The following SENP2 variants were observed in gnomAD, a reference collection of about 807,000 sequenced individuals.
SENP2 encodes the protein SUMO specific peptidase 2.
Under a neutral mutation model 86.3 loss-of-function variants are expected in SENP2, and 16 were observed. The ratio of observed to expected loss-of-function variants is 0.19; its 90% confidence interval spans 0.13 to 0.28. The LOEUF is 0.28. Among genes scored for constraint, SENP2 ranks in the 10% least tolerant of loss-of-function variants. The probability of loss-of-function intolerance (pLI) is 1.00; values close to 1 mark genes in which losing one functional copy is unlikely to be tolerated. For synonymous variants in SENP2, 222 were observed against 238.7 expected, an observed-to-expected ratio of 0.93 and a Z score of 0.64; for missense variants, 552 against 703.0, an observed-to-expected ratio of 0.79 and a Z score of 2.43.
chr3:185,617,533 C>A lies in SENP2; in HGVS notation c.1164C>A (p.Ile388=). ...TAGGCCATGGCCCACAGGATGAAATCCTAAGTAGTGCTTTCAAATTGCGAA... is the reference window on the plus strand; with the variant it reads ...TAGGCCATGGCCCACAGGATGAAATACTAAGTAGTGCTTTCAAATTGCGAA... ...NALGHGPQDE[I]LSSAFKLRIT... is the part of the protein sequence containing the mutation. Residue 388 remains isoleucine (I), a synonymous_variant, in exon 12 of 17, where the codon ATC becomes ATA. Coordinates refer to ENST00000296257, the MANE Select transcript of SENP2 (RefSeq NM_021627.3). The A allele has an allele frequency of 6.2e-7, 1 of 1,613,610 alleles. No homozygotes were observed. Among genetic ancestry groups the A allele is most frequent in the Non-Finnish European group, 8.5e-7 (1 of 1,179,674 alleles).
At chr3:185,625,125 T>A (rs1712082067) in intron 15 of SENP2, among the ~76,000 whole-genome samples, 1 of 151,888 alleles carries the variant, frequency 6.6e-6, no homozygotes, top group African/African-American at 2.4e-5. Flanking sequence ...TTTTTTTTTT[T>A]TTTTGAGACG....
intron 14 of SENP2, among the ~76,000 whole-genome samples, chr3:185,623,429 G>A (rs1041713285): frequency 1.3e-5 from 2 of 152,114 alleles, no homozygotes; most frequent in Admixed American, 6.5e-5. Flanking sequence ...GTGAGCCACC[G>A]CACCCGGCCT....
rs372977692 is a variant in SENP2, at chr3:185,613,342, T to A, written c.870-3T>A. The A allele has an allele frequency of 7.1e-6, 11 of 1,550,288 alleles. No homozygotes were observed. The African/African-American group carries it at 1.5e-4, about 21-fold the overall frequency. The stretch of plus-strand genomic sequence containing the variant: ...TCTATCATCTCTCAATTTTTTTCCT[T>A]AGGTGTTCAAAGGGGAAAATTACTG... On this transcript the variant is annotated splice_polypyrimidine_tract_variant and splice_region_variant and intron_variant, in intron 9 of 16. Coordinates refer to ENST00000296257, the MANE Select transcript of SENP2 (RefSeq NM_021627.3).
chr3:185,633,009 G>A lies in SENP2; in HGVS notation c.*3165G>A, dbSNP rs1712561554. ...GGGGGTGGGAGGGAAACAGATTTGG[G>A]GCATATGGAAGATATTCTTGGGAGC... On this transcript the variant is annotated 3_prime_UTR_variant, in exon 17 of 17. Coordinates refer to ENST00000296257, the MANE Select transcript of SENP2 (RefSeq NM_021627.3). 6.6e-6 allele frequency: 1 copy of A among 152,158 alleles called. No homozygotes were observed. Among genetic ancestry groups the A allele is most frequent in the Admixed American group, 6.5e-5 (1 of 15,272 alleles). The allele number at this position is 152,158 out of a possible 1,614,324, so 9.4% of individuals were successfully genotyped here. A position where few individuals can be genotyped will look rare whatever the true frequency, so the allele number is the denominator to read the frequency against.
intron 16 of SENP2, among the ~76,000 whole-genome samples, chr3:185,629,580 A>G (rs529488793): frequency 2.0e-5 from 3 of 152,160 alleles, no homozygotes; most frequent in Non-Finnish European, 4.4e-5. Context: ...CATCTCAAAA[A>G]AAAAAAAAAA....
intron 2 of SENP2, among the ~76,000 whole-genome samples, chr3:185,596,317 G>A (rs927318652): frequency 1.3e-5 from 2 of 151,990 alleles, no homozygotes; most frequent in Admixed American, 6.6e-5. Flanking sequence ...TATCTTAGAT[G>A]TTTAAAAGCT....
intron 11 of SENP2, among the ~76,000 whole-genome samples, chr3:185,617,241 G>T (rs1167611246): frequency 2.6e-5 from 4 of 152,136 alleles, no homozygotes; most frequent in Admixed American, 6.5e-5. Context: ...GCCAAGGCAG[G>T]TATTGCTTGA....
intron 5 of SENP2, among the ~76,000 whole-genome samples, chr3:185,604,989 C>T (rs1014803162): frequency 1.7e-4 from 26 of 150,650 alleles, no homozygotes; most frequent in African/African-American, 5.3e-4. Context: ...CTCCTGACCT[C>T]GTGATCCACC....
chr3:185,626,373 A>G lies in SENP2; in HGVS notation c.1687A>G (p.Lys563Glu), dbSNP rs770029979. The part of the protein sequence containing the change: ...CKYADYISRD[K>E]PITFTQHQMP... ...ATATGCAGATTATATTTCTAGGGAC[A>G]AACCTATCACATTTACTCAGGTGAG... Residue 563 changes from lysine (K) to glutamate (E), a missense_variant, in exon 16 of 17, where the codon AAA (lysine) becomes GAA (glutamate). Lys to Glu is a moderately conservative substitution (Grantham distance 56). This residue lies in a region of SENP2 where 169 missense variants were observed against 275.7 expected (regional missense o/e 0.61). Transcript: ENST00000296257. 1.9e-6 allele frequency: 3 copies of G among 1,609,202 alleles called. No individual in the cohort carries two copies. Among genetic ancestry groups the G allele is most frequent in the Non-Finnish European group, 2.6e-6 (3 of 1,175,690 alleles).
intron 11 of SENP2, among the ~76,000 whole-genome samples, chr3:185,616,906 G>A (rs1230929512): frequency 1.3e-5 from 2 of 151,740 alleles, no homozygotes; most frequent in Non-Finnish European, 2.9e-5. Context: ...CTTTGAATAT[G>A]TAAAATAAAT....
At position 185,629,889 on chromosome 3, in the gene SENP2, GA is replaced by G; in HGVS notation, c.*46del. On this transcript the variant is annotated 3_prime_UTR_variant, in exon 17 of 17. Coordinates refer to ENST00000296257, the MANE Select transcript of SENP2 (RefSeq NM_021627.3). ...TCTAGCTGCTGGTGGTTCTTTCACA[GA>G]CATTTCCATATACCTCATGCATTGT... 6.3e-7 allele frequency: 1 copy of G among 1,583,284 alleles called. No individual in the cohort carries two copies. Among genetic ancestry groups the G allele is most frequent in the East Asian group, 2.2e-5 (1 of 44,696 alleles).
At chr3:185,614,443 G>A (rs1711525071) in intron 10 of SENP2, 121 bp from the exon 11 acceptor site, 1 of 970,238 alleles carries the variant, frequency 1.0e-6, no homozygotes, top group Admixed American at 2.9e-5. Context: ...CTACTCACTT[G>A]GGGGATTTGC....
rs760867099 is a variant in SENP2 at position 185,586,401 on chromosome 3, G to C, written c.-13G>C. ...TCGGGGTGTGTCGGCCGCCGCTGCT[G>C]CTTGGGCCTGGTATGTACAGATGGC... On this transcript the variant is annotated 5_prime_UTR_variant, in exon 1 of 17. Coordinates refer to ENST00000296257, the MANE Select transcript of SENP2 (RefSeq NM_021627.3). The surrounding 1 kb of genome is among the most constrained non-coding windows in gnomAD (Gnocchi z 4.3). 6.2e-7 allele frequency: 1 copy of C among 1,613,800 alleles called. No homozygotes were observed. Among genetic ancestry groups the C allele is most frequent in the Middle Eastern group, 1.6e-4 (1 of 6,062 alleles).
At chr3:185,615,850 T>A (rs2148991602) in intron 11 of SENP2, among the ~76,000 whole-genome samples, 1 of 151,916 alleles carries the variant, frequency 6.6e-6, no homozygotes, top group East Asian at 1.9e-4. Flanking sequence ...GTCCTAATCT[T>A]ATTTTGATGT....
At chr3:185,610,121 T>G (rs1001991082) in intron 7 of SENP2, among the ~76,000 whole-genome samples, 1 of 148,282 alleles carries the variant, frequency 6.7e-6, no homozygotes, top group Non-Finnish European at 1.5e-5. Flanking sequence ...TAATAGCAAA[T>G]CGAAGATTAA....
chr3:185,621,313 G>C (rs1323132707), intron 13 of SENP2, among the ~76,000 whole-genome samples: 1 of 126,504 alleles, frequency 7.9e-6, no homozygotes, highest in Admixed American at 8.3e-5. Flanking sequence ...CTAAAGATAC[G>C]TAAGACACAT....
At chr3:185,595,402 T>G (rs1455434654) in intron 2 of SENP2, among the ~76,000 whole-genome samples, 1 of 152,192 alleles carries the variant, frequency 6.6e-6, no homozygotes, top group African/African-American at 2.4e-5. Context: ...ATTCTCTGAT[T>G]CCTAAAATGA....
intron 12 of SENP2, among the ~76,000 whole-genome samples, chr3:185,617,896 A>T (rs1166138990): frequency 6.6e-6 from 1 of 152,088 alleles, no homozygotes. Context: ...GCAGCAAGTG[A>T]TACTGTATTT....
intron 6 of SENP2, chr3:185,606,888 CT>C: frequency 2.7e-6 from 1 of 375,500 alleles, no homozygotes. Flanking sequence ...AAAAATGAAA[CT>C]TTTTTCAGAA....
Sources: gnomAD v4.1 joint callset for allele counts (sites outside exome capture counted in the v4.1 genomes callset) on GRCh38, gnomAD v4.1.1 for gene constraint, gnomAD v4.1.1 regional missense constraint, Gnocchi (gnomAD v3.1) non-coding constraint, MANE v1.5 for transcripts, NCBI Gene and HGNC (gene_info 2026-07-23, HGNC 2026-07-21) for gene names.